The following EMSY variants were observed in gnomAD, a reference collection of about 807,000 sequenced individuals.
EMSY encodes BRCA2-interacting transcriptional repressor EMSY.
In EMSY, 26 loss-of-function variants were observed where a neutral mutation model predicts 134.6. That is an observed-to-expected ratio of 0.19 (90% CI 0.14 to 0.27). EMSY has a LOEUF of 0.27. Among genes scored for constraint, EMSY ranks in the 10% least tolerant of loss-of-function variants. EMSY has a pLI of 1.00. For missense variants in EMSY, 1,305 were observed against 1,611.4 expected (o/e 0.81, Z 3.26); for synonymous variants, 579 against 577.8 (o/e 1.00, Z -0.03).
chr11:76,498,797 A>G (rs2135854071), intron 9 of EMSY, among the ~76,000 whole-genome samples: 1 of 152,304 alleles, frequency 6.6e-6, no homozygotes, highest in East Asian at 1.9e-4. Context: ...AGTATACTTT[A>G]TCTGTAATTA....
intron 8 of EMSY, among the ~76,000 whole-genome samples, chr11:76,488,878 AT>A (rs1949301319): frequency 6.6e-6 from 1 of 152,168 alleles, no homozygotes; most frequent in African/African-American, 2.4e-5. Context: ...AGCTGTGACA[AT>A]GTCAGAGAAA....
chr11:76,450,709 G>A (rs1190794157), intron 2 of EMSY, among the ~76,000 whole-genome samples: 2 of 150,928 alleles, frequency 1.3e-5, no homozygotes, highest in African/African-American at 4.9e-5. Flanking sequence ...CCAGGCTGGT[G>A]TTGAACTCCT....
intron 7 of EMSY, among the ~76,000 whole-genome samples, chr11:76,464,575 CATT>C (rs1364235293): frequency 6.6e-6 from 1 of 152,106 alleles, no homozygotes; most frequent in East Asian, 1.9e-4. Flanking sequence ...ATGTTGAAGT[CATT>C]ATTATTTTGT....
intron 8 of EMSY, among the ~76,000 whole-genome samples, chr11:76,490,892 A>G (rs1282041981): frequency 2.6e-5 from 4 of 152,142 alleles, no homozygotes; most frequent in Non-Finnish European, 5.9e-5. Flanking sequence ...AAACACATGT[A>G]CATCTGTATT....
intron 3 of EMSY, among the ~76,000 whole-genome samples, chr11:76,452,841 T>G (rs980161170): frequency 6.6e-6 from 1 of 152,180 alleles, no homozygotes; most frequent in Non-Finnish European, 1.5e-5. Context: ...CAGATTATCT[T>G]GCCACTCCAT....
intron 11 of EMSY, among the ~76,000 whole-genome samples, chr11:76,520,846 T>C (rs1021718122): frequency 6.6e-6 from 1 of 152,152 alleles, no homozygotes; most frequent in Admixed American, 6.5e-5. Flanking sequence ...TGGAAAATAA[T>C]AAAATTGTGT....
intron 6 of EMSY, 32 bp from the exon 8 acceptor site, chr11:76,463,789 A>G (rs1948237502): frequency 1.2e-6 from 2 of 1,608,444 alleles, no homozygotes; most frequent in South Asian, 1.1e-5. Flanking sequence ...TTAGTTTGGT[A>G]TACATATAGC....
chr11:76,463,390 G>A (rs1434052203), intron 6 of EMSY, among the ~76,000 whole-genome samples: 2 of 151,698 alleles, frequency 1.3e-5, no homozygotes, highest in Admixed American at 6.6e-5. Flanking sequence ...TTGGGAGGCC[G>A]AGGCGGGTGG....
chr11:76,496,012 G>T (rs1294777811), intron 8 of EMSY, among the ~76,000 whole-genome samples: 1 of 152,048 alleles, frequency 6.6e-6, no homozygotes, highest in Non-Finnish European at 1.5e-5. Flanking sequence ...GAGAACAATG[G>T]TTACCTCCCT....
At position 76,479,958 on chromosome 11, in the gene EMSY, G is replaced by A. The variant is rs529188459; in HGVS notation, c.1108+7118G>A. Among the ~76,000 whole-genome samples the A allele has an allele frequency of 9.2e-5, 14 of 152,200 alleles. 1 individual carries two copies. In the East Asian group the frequency reaches 2.7e-3, roughly 29 times the overall value. On this transcript the variant is annotated intron_variant, in intron 8 of 20. Coordinates refer to ENST00000334736, the Ensembl canonical transcript of EMSY. ...CATGATGAACTAAAAATTGAAGGAAGCTGTGAATATTCAACAGGCCATTTG... is the reference window on the plus strand; with the variant it reads ...CATGATGAACTAAAAATTGAAGGAAACTGTGAATATTCAACAGGCCATTTG...
At chr11:76,462,721 A>C (rs1041080094) in intron 6 of EMSY, among the ~76,000 whole-genome samples, 1 of 152,224 alleles carries the variant, frequency 6.6e-6, no homozygotes, top group African/African-American at 2.4e-5. Flanking sequence ...AATGGTTAGC[A>C]GTTCAGAATC....
At chr11:76,529,655 A>G (rs1950963878) in intron 14 of EMSY, among the ~76,000 whole-genome samples, 1 of 152,170 alleles carries the variant, frequency 6.6e-6, no homozygotes, top group Non-Finnish European at 1.5e-5. Flanking sequence ...GAAAGTTGAC[A>G]TGCCAGTGAG....
rs76931811 is a variant in EMSY at position 76,524,469 on chromosome 11, T to A, written c.1821+1178T>A. Among the ~76,000 whole-genome samples, 1,394 of 152,272 alleles carry A rather than the reference T, an allele frequency of 9.2e-3. 22 individuals carry two copies. The highest frequency in any genetic ancestry group is 0.032 in the African/African-American group (1,328 of 41,536). ...GGTCCAGCATTAGATTTTTTCAATG[T>A]GTGGGAAAACAGATTGCTCCTAGCC... On this transcript the variant is annotated intron_variant, in intron 12 of 20. Coordinates refer to ENST00000334736, the Ensembl canonical transcript of EMSY.
intron 8 of EMSY, among the ~76,000 whole-genome samples, chr11:76,490,401 C>T (rs1949372022): frequency 1.3e-5 from 2 of 152,116 alleles, no homozygotes; most frequent in South Asian, 4.1e-4. Flanking sequence ...TAAAAAATGT[C>T]TCCAGTGATT....
At position 76,485,800 on chromosome 11, in the gene EMSY, G is replaced by T. The variant is rs189099156; in HGVS notation, c.1109-10415G>T. Among the ~76,000 whole-genome samples the T allele has an allele frequency of 5.7e-3, 865 of 152,320 alleles. 4 individuals are homozygous for T. The highest frequency in any genetic ancestry group is 0.01 in the Middle Eastern group (3 of 294). Reference sequence around the variant, plus strand: ...AAATTGGAACACTTTTACACTGTTGGTGGGAGTATAAATTAGTTCAATGAT... The same window carrying T: ...AAATTGGAACACTTTTACACTGTTGTTGGGAGTATAAATTAGTTCAATGAT... On this transcript the variant is annotated intron_variant, in intron 8 of 20. Coordinates refer to ENST00000334736, the Ensembl canonical transcript of EMSY.
intron 8 of EMSY, among the ~76,000 whole-genome samples, chr11:76,476,741 T>C (rs948781365): frequency 6.6e-6 from 1 of 152,172 alleles, no homozygotes; most frequent in Non-Finnish European, 1.5e-5. Context: ...GTTCATCTTG[T>C]ACATTTTCTC....
chr11:76,535,072 A>C (rs1951176621), intron 14 of EMSY, among the ~76,000 whole-genome samples: 1 of 152,212 alleles, frequency 6.6e-6, no homozygotes, highest in Non-Finnish European at 1.5e-5. Context: ...AGGGTCTTAG[A>C]ATTCAGAACT....
At chr11:76,484,591 T>C (rs1023059908) in intron 8 of EMSY, among the ~76,000 whole-genome samples, 1 of 152,016 alleles carries the variant, frequency 6.6e-6, no homozygotes, top group Non-Finnish European at 1.5e-5. Context: ...CCCACAGAAA[T>C]ACGAACTACT....
intron 14 of EMSY, 110 bp downstream of exon 15, chr11:76,528,576 ATTC>A (rs1336913675): frequency 9.7e-6 from 6 of 615,608 alleles, no homozygotes; most frequent in Non-Finnish European, 1.5e-5. Context: ...TGCTCTATCA[ATTC>A]TTTTCCTTTT....
Sources: gnomAD v4.1 joint callset for allele counts (sites outside exome capture counted in the v4.1 genomes callset) on GRCh38, gnomAD v4.1.1 for gene constraint, MANE v1.5 for transcripts, NCBI Gene and HGNC (gene_info 2026-07-23, HGNC 2026-07-21) for gene names.